The following CAPSL variants were observed in gnomAD, a reference collection of about 807,000 sequenced individuals.
The protein encoded by CAPSL is calcyphosin-like protein.
Under a neutral mutation model 21.3 loss-of-function variants are expected in CAPSL, and 17 were observed. That is an observed-to-expected ratio of 0.80 (90% CI 0.55 to 1.20). The LOEUF is 1.20. Among genes scored for constraint, CAPSL ranks in the 50% most tolerant of loss-of-function variants. The pLI is 0.00. For synonymous variants in CAPSL, 102 were observed against 89.3 expected (o/e 1.14, Z -0.80); for missense variants, 289 against 259.3 (o/e 1.11, Z -0.79).
chr5:35,936,077 G>T (rs1738939408), intron 1 of CAPSL, among the ~76,000 whole-genome samples: 2 of 152,098 alleles, frequency 1.3e-5, no homozygotes, highest in Non-Finnish European at 2.9e-5. Context: ...CTCCTCAGAG[G>T]CTAATCCAAA....
chr5:35,919,951 T>G (rs1738493318), intron 2 of CAPSL, among the ~76,000 whole-genome samples: 1 of 152,084 alleles, frequency 6.6e-6, no homozygotes, highest in Non-Finnish European at 1.5e-5. Flanking sequence ...GGGTTTGCAC[T>G]AAGGACAATG....
At chr5:35,929,446 C>T (rs145743068) in intron 1 of CAPSL, among the ~76,000 whole-genome samples, 2 of 152,078 alleles carry the variant, frequency 1.3e-5, no homozygotes, top group African/African-American at 4.8e-5. Flanking sequence ...GCACCTGCCA[C>T]CACACCCAGC....
At chr5:35,914,848 A>G (rs1738329824) in intron 2 of CAPSL, among the ~76,000 whole-genome samples, 2 of 152,240 alleles carry the variant, frequency 1.3e-5, no homozygotes, top group Non-Finnish European at 2.9e-5. Flanking sequence ...AAGGCAAGAA[A>G]TAACTAAGAT....
intron 2 of CAPSL, 92 bp downstream of exon 2, chr5:35,920,892 G>A (rs1343911520): frequency 2.9e-6 from 4 of 1,360,816 alleles, no homozygotes; most frequent in African/African-American, 1.4e-5. Context: ...AGGAGGAGAT[G>A]ACTTCCCCAA....
chr5:35,928,782 A>T (rs540816694), intron 1 of CAPSL, among the ~76,000 whole-genome samples: 1 of 152,306 alleles, frequency 6.6e-6, no homozygotes, highest in South Asian at 2.1e-4. Context: ...ACAAAGAATT[A>T]CCAGTCAGAG....
intron 1 of CAPSL, among the ~76,000 whole-genome samples, chr5:35,928,877 C>G (rs1738749988): frequency 1.3e-5 from 2 of 152,092 alleles, no homozygotes; most frequent in Admixed American, 6.6e-5. Context: ...CAAAGATGCC[C>G]ACAGCACTCA....
At chr5:35,910,156 TTCCCCTCA>T in intron 3 of CAPSL, 81 bp from the exon 4 acceptor site, 1 of 1,232,122 alleles carries the variant, frequency 8.1e-7, no homozygotes, top group Non-Finnish European at 1.1e-6. Context: ...AAATATCTCA[TTCCCCTCA>T]ACGATGTGAA....
At chr5:35,920,709 T>A (rs112119599) in intron 2 of CAPSL, among the ~76,000 whole-genome samples, 1 of 152,224 alleles carries the variant, frequency 6.6e-6, no homozygotes, top group African/African-American at 2.4e-5. Context: ...GGCATCTCCA[T>A]GCCAGGGCAC....
chr5:35,938,493 G>GA (rs367761491), intron 1 of CAPSL, 48 bp downstream of exon 1: 18,172 of 144,654 alleles, frequency 0.13, 1,391 homozygotes, highest in Non-Finnish European at 0.18. Context: ...GACATACCAA[G>GA]AAAAAAAAAA....
intron 1 of CAPSL, among the ~76,000 whole-genome samples, chr5:35,932,145 A>C (rs1213398148): frequency 6.6e-6 from 1 of 152,158 alleles, no homozygotes; most frequent in African/African-American, 2.4e-5. Context: ...GAAAACCAAA[A>C]AGTGTTAAGG....
At chr5:35,930,001 T>G (rs1020961295) in intron 1 of CAPSL, among the ~76,000 whole-genome samples, 3 of 152,224 alleles carry the variant, frequency 2.0e-5, no homozygotes, top group African/African-American at 7.2e-5. Context: ...GCACTGATTA[T>G]CTTTTATACC....
At chr5:35,915,229 A>G (rs1286147664) in intron 2 of CAPSL, among the ~76,000 whole-genome samples, 6 of 152,208 alleles carry the variant, frequency 3.9e-5, no homozygotes, top group Admixed American at 1.3e-4. Context: ...TAGCTTACCA[A>G]CCAAAAACAG....
Position 35,904,370 on chromosome 5 carries a change from G to C in CAPSL, c.*175C>G, listed in dbSNP as rs181864278. Reference sequence around the variant, plus strand: ...CTTAGGCAAGGCAAACTCACAGTTGGCTACTCAATGTCTTTTATTTCTGCC... The same window carrying C: ...CTTAGGCAAGGCAAACTCACAGTTGCCTACTCAATGTCTTTTATTTCTGCC... On this transcript the variant is annotated 3_prime_UTR_variant, in exon 5 of 5. Coordinates refer to ENST00000651391, the MANE Select transcript of CAPSL (RefSeq NM_001042625.2). The C allele has an allele frequency of 6.8e-5, 41 of 607,194 alleles. No individual in the cohort carries two copies. Among genetic ancestry groups the C allele is most frequent in the African/African-American group, 6.3e-4 (34 of 53,790 alleles). The allele number at this position is 607,194 out of a possible 1,614,324, so 37.6% of individuals were successfully genotyped here. A position where few individuals can be genotyped will look rare whatever the true frequency, so the allele number is the denominator to read the frequency against.
At chr5:35,911,900 AGCAGG>A (rs1738233347) in intron 2 of CAPSL, among the ~76,000 whole-genome samples, 1 of 152,166 alleles carries the variant, frequency 6.6e-6, no homozygotes, top group South Asian at 2.1e-4. Context: ...CATGAGCTGA[AGCAGG>A]GCAAGGCATC....
At chr5:35,923,370 T>C (rs1738588021) in intron 1 of CAPSL, among the ~76,000 whole-genome samples, 1 of 152,128 alleles carries the variant, frequency 6.6e-6, no homozygotes, top group Non-Finnish European at 1.5e-5. Context: ...CCCCACTAGG[T>C]AGTAAGCATG....
At chr5:35,911,937 G>A (rs1373013790) in intron 2 of CAPSL, among the ~76,000 whole-genome samples, 1 of 152,160 alleles carries the variant, frequency 6.6e-6, no homozygotes, top group Admixed American at 6.5e-5. Flanking sequence ...GAAGCGCAAG[G>A]GGTCAGGGAA....
intron 2 of CAPSL, among the ~76,000 whole-genome samples, chr5:35,914,059 C>G (rs866262516): frequency 3.3e-5 from 5 of 152,064 alleles, no homozygotes; most frequent in Middle Eastern, 3.2e-3. Context: ...GGTTGCAATC[C>G]TAGTCTCTGA....
At chr5:35,928,755 CA>C (rs933830287) in intron 1 of CAPSL, among the ~76,000 whole-genome samples, 37 of 152,174 alleles carry the variant, frequency 2.4e-4, no homozygotes, top group African/African-American at 8.7e-4. Flanking sequence ...ACAAGATACA[CA>C]AGATGGCCCC....
At chr5:35,917,509 A>G (rs1287249687) in intron 2 of CAPSL, among the ~76,000 whole-genome samples, 5 of 152,220 alleles carry the variant, frequency 3.3e-5, no homozygotes, top group East Asian at 3.8e-4. Flanking sequence ...AATGTGGCAC[A>G]TATACACCAT....
Sources: gnomAD v4.1 joint callset for allele counts (sites outside exome capture counted in the v4.1 genomes callset) on GRCh38, gnomAD v4.1.1 for gene constraint, MANE v1.5 for transcripts, NCBI Gene and HGNC (gene_info 2026-07-23, HGNC 2026-07-21) for gene names.